The following ACBD3 variants were observed in gnomAD, a reference collection of about 807,000 sequenced individuals.
The protein encoded by ACBD3 is Golgi resident protein GCP60.
Under a neutral mutation model 66.9 loss-of-function variants are expected in ACBD3, and 30 were observed. The observed-to-expected ratio is 0.45, with a 90% confidence interval of 0.34 to 0.61. ACBD3 has a LOEUF of 0.61. Ranked by LOEUF, ACBD3 falls within the 20% of genes least tolerant of loss-of-function variation. The pLI is 0.02. For missense variants in ACBD3, 544 were observed against 664.5 expected, an observed-to-expected ratio of 0.82 and a Z score of 1.99; for synonymous variants, 278 against 259.8, an observed-to-expected ratio of 1.07 and a Z score of -0.68.
chr1:226,185,823 G>A (rs751206269), intron 1 of ACBD3, among the ~76,000 whole-genome samples: 4 of 152,116 alleles, frequency 2.6e-5, no homozygotes, highest in African/African-American at 4.8e-5. Flanking sequence ...ACAAGCCGGA[G>A]AGGATGATGA....
At chr1:226,162,798 A>ATT (rs1247600853) in intron 3 of ACBD3, among the ~76,000 whole-genome samples, 7 of 139,808 alleles carry the variant, frequency 5.0e-5, no homozygotes, top group Non-Finnish European at 6.3e-5. Flanking sequence ...AACATGACCT[A>ATT]TTTTTTTTTT....
At chr1:226,154,873 G>A (rs1659643239) in intron 5 of ACBD3, 40 bp from the exon 6 acceptor site, 1 of 1,538,232 alleles carries the variant, frequency 6.5e-7, no homozygotes, top group Non-Finnish European at 8.8e-7. Context: ...TGACCAGGAA[G>A]GCTAGCAAAT....
intron 5 of ACBD3, among the ~76,000 whole-genome samples, chr1:226,156,574 T>C (rs1181942113): frequency 1.3e-5 from 2 of 152,262 alleles, no homozygotes; most frequent in Middle Eastern, 3.4e-3. Flanking sequence ...GTAGGGATAA[T>C]GATATATTTT....
intron 1 of ACBD3, among the ~76,000 whole-genome samples, chr1:226,173,757 C>CTTTTTTTTTTTTTTTTT (rs145462202): frequency 8.8e-4 from 78 of 88,310 alleles, no homozygotes; most frequent in East Asian, 1.4e-3. Flanking sequence ...TTTTTCTTTT[C>CTTTTTTTTTTTTTTTTT]TTTTTTTTTT....
intron 5 of ACBD3, among the ~76,000 whole-genome samples, chr1:226,157,935 CAG>C (rs748771280): frequency 3.2e-4 from 48 of 152,196 alleles, no homozygotes; most frequent in Non-Finnish European, 2.5e-4. Context: ...ATAAACAGGA[CAG>C]AGTGTATGTG....
chr1:226,186,666 C>A lies in ACBD3; in HGVS notation c.10G>T (p.Val4Leu), dbSNP rs1350744715. 1 of 1,504,538 alleles carries A rather than the reference C, an allele frequency of 6.6e-7. No homozygotes were observed. The highest frequency in any genetic ancestry group is 1.2e-5 in the South Asian group (1 of 81,494). The allele number at this position is 1,504,538 out of a possible 1,614,324, so 93.2% of individuals were successfully genotyped here. A position where few individuals can be genotyped will look rare whatever the true frequency, so the allele number is the denominator to read the frequency against. Residue 4 changes from valine (V) to leucine (L), a missense_variant, in exon 1 of 8, where the codon GTG becomes TTG. Val to Leu is a conservative substitution (Grantham distance 32, BLOSUM62 1). Transcript: ENST00000366812. Reference protein sequence around the residue: MAAVLNAERLEVSV... With the variant: MAALLNAERLEVSV... ...ACCTCGAGTCGCTCTGCGTTCAGCA[C>A]CGCCGCCATCTCCGGCTGCTGCACC... is the stretch of plus-strand genomic sequence containing the variant.
chr1:226,182,369 C>A (rs760471171), intron 1 of ACBD3, among the ~76,000 whole-genome samples: 1 of 152,150 alleles, frequency 6.6e-6, no homozygotes, highest in Non-Finnish European at 1.5e-5. Context: ...GTAATCCCAG[C>A]GCTTTGGAAG....
Position 226,185,866 on chromosome 1 carries a change from T to A in ACBD3, c.286+524A>T, listed in dbSNP as rs192494247. ...ACTTTACTTCCTCCTCTCTGCCACA[T>A]CAATCTGCCGGGGGATCAAGTCCTG... On this transcript the variant is annotated intron_variant, in intron 1 of 7. Transcript: ENST00000366812. Among the ~76,000 whole-genome samples the A allele has an allele frequency of 6.6e-5, 10 of 152,264 alleles. No individual in the cohort carries two copies. The East Asian group carries it at 1.7e-3, about 26-fold the overall frequency.
At chr1:226,176,003 G>C (rs1656022996) in intron 1 of ACBD3, among the ~76,000 whole-genome samples, 1 of 152,198 alleles carries the variant, frequency 6.6e-6, no homozygotes, top group South Asian at 2.1e-4. Context: ...TAAGGTTGCA[G>C]TTGGCCTTTT....
chr1:226,146,930 CA>C, intron 7 of ACBD3, 109 bp from the exon 8 acceptor site: 1 of 1,108,990 alleles, frequency 9.0e-7, no homozygotes, highest in South Asian at 1.4e-5. Flanking sequence ...CTTGCTCTGT[CA>C]CCCAGGATGG....
chr1:226,175,091 C>CAAAAAAAAAAAAAAAAAAAAAAAAA (rs35201518), intron 1 of ACBD3, among the ~76,000 whole-genome samples: 3 of 75,986 alleles, frequency 3.9e-5, no homozygotes, highest in African/African-American at 5.0e-5. Flanking sequence ...GACTCCATCT[C>CAAAAAAAAAAAAAAAAAAAAAAAAA]AAAAAAAAAA....
At chr1:226,160,168 T>C (rs1659745517) in intron 4 of ACBD3, among the ~76,000 whole-genome samples, 1 of 151,612 alleles carries the variant, frequency 6.6e-6, no homozygotes, top group South Asian at 2.1e-4. Flanking sequence ...CTCAGCTCAC[T>C]GCAACCTCCA....
At chr1:226,146,923 G>T (rs1452608666) in intron 7 of ACBD3, 102 bp from the exon 8 acceptor site, 6 of 1,146,374 alleles carry the variant, frequency 5.2e-6, no homozygotes, top group African/African-American at 1.5e-5. Context: ...ACAGAGTCTT[G>T]CTCTGTCACC....
chr1:226,161,434 A>C (rs1558126311), intron 4 of ACBD3, 97 bp downstream of exon 4: 1 of 1,542,404 alleles, frequency 6.5e-7, no homozygotes, highest in Non-Finnish European at 8.8e-7. Flanking sequence ...CTGGGATTAC[A>C]GGCGTGAACC....
chr1:226,150,093 G>A (rs1393191248), intron 7 of ACBD3, among the ~76,000 whole-genome samples: 1 of 139,756 alleles, frequency 7.2e-6, no homozygotes, highest in Non-Finnish European at 1.5e-5. Context: ...GCCTAGCTCT[G>A]TCGCTCGGGC....
At chr1:226,154,405 A>G (rs1170761566) in intron 6 of ACBD3, among the ~76,000 whole-genome samples, 3 of 152,052 alleles carry the variant, frequency 2.0e-5, no homozygotes, top group Non-Finnish European at 2.9e-5. Context: ...GATAATTTAT[A>G]TATATATATA....
At chr1:226,167,411 GATT>G (rs1211665053) in intron 1 of ACBD3, among the ~76,000 whole-genome samples, 2 of 152,108 alleles carry the variant, frequency 1.3e-5, no homozygotes, top group Non-Finnish European at 2.9e-5. Context: ...GAGGTAATAG[GATT>G]ATTATTATTA....
chr1:226,186,344 C>G, intron 1 of ACBD3, 46 bp downstream of exon 1: 1 of 1,470,186 alleles, frequency 6.8e-7, no homozygotes, highest in South Asian at 1.3e-5. Context: ...ACGCCGGGCT[C>G]CCGGGGCCGG....
intron 5 of ACBD3, among the ~76,000 whole-genome samples, chr1:226,156,100 T>C (rs1394403688): frequency 2.0e-5 from 3 of 152,222 alleles, no homozygotes; most frequent in Non-Finnish European, 4.4e-5. Flanking sequence ...TCAATTTTCA[T>C]AAATCAAACA....
Sources: gnomAD v4.1 joint callset for allele counts (sites outside exome capture counted in the v4.1 genomes callset) on GRCh38, gnomAD v4.1.1 for gene constraint, MANE v1.5 for transcripts, NCBI Gene and HGNC (gene_info 2026-07-23, HGNC 2026-07-21) for gene names.